SCP2: variants seen among roughly 807,000 people sequenced by gnomAD.
The protein encoded by SCP2 is sterol carrier protein 2, also known as SCP-2/3-oxoacyl-CoA thiolase.
SCP2 carries 48 observed loss-of-function variants against 71.4 expected under a neutral mutation model. That is an observed-to-expected ratio of 0.67 (90% CI 0.53 to 0.86). The LOEUF (loss-of-function observed/expected upper bound fraction) is 0.86, where lower values mean the gene tolerates loss of function less well. SCP2 is among the 40% of genes least tolerant of loss of function. The pLI, the probability that SCP2 is intolerant of heterozygous loss-of-function variation, is 0.00. For synonymous variants in SCP2, 220 were observed against 218.1 expected (o/e 1.01, Z -0.08); for missense variants, 560 against 655.6 (o/e 0.85, Z 1.59).
intron 14 of SCP2, among the ~76,000 whole-genome samples, chr1:53,045,265 A>G (rs6588457): frequency 0.096 from 14,683 of 152,240 alleles, 1,398 homozygotes; most frequent in African/African-American, 0.21. Context: ...TCCTATCACC[A>G]TAGCTTGATT....
At chr1:53,015,707 A>G (rs1429196491) in intron 12 of SCP2, among the ~76,000 whole-genome samples, 2 of 152,114 alleles carry the variant, frequency 1.3e-5, no homozygotes, top group East Asian at 1.9e-4. Flanking sequence ...GTCAGCATAC[A>G]TGTTCAGGTC....
intron 14 of SCP2, 59 bp from the exon 15 acceptor site, chr1:53,047,799 T>A: frequency 1.6e-6 from 2 of 1,218,922 alleles, no homozygotes; most frequent in South Asian, 1.2e-5. Flanking sequence ...TTGACAAAAA[T>A]GTATATGTGA....
rs578196080 is a variant in SCP2 at position 52,931,515 on chromosome 1, T to C, written c.69+4050T>C. Among the ~76,000 whole-genome samples the C allele has an allele frequency of 1.3e-4, 20 of 152,296 alleles. 1 individual carries two copies. Among genetic ancestry groups the C allele is most frequent in the African/African-American group, 3.6e-4 (15 of 41,566 alleles). ...CCAAGTTGAAAAAAAGGGAATTAAATTGAATTCTGCATGCTAAAGGGTAGT... is the reference window on the plus strand; with the variant it reads ...CCAAGTTGAAAAAAAGGGAATTAAACTGAATTCTGCATGCTAAAGGGTAGT... On this transcript the variant is annotated intron_variant, in intron 1 of 15. Transcript: ENST00000371514.
At chr1:52,993,497 T>C (rs955239298) in intron 11 of SCP2, 22 of 1,612,998 alleles carry the variant, frequency 1.4e-5, no homozygotes, top group African/African-American at 6.7e-5. Flanking sequence ...TTGAAACTTA[T>C]AGATTTCTTC....
At chr1:53,005,272 G>C (rs985333869) in intron 11 of SCP2, among the ~76,000 whole-genome samples, 5 of 152,212 alleles carry the variant, frequency 3.3e-5, no homozygotes, top group African/African-American at 1.2e-4. Flanking sequence ...TTTGAAGAGA[G>C]TAATGGTTCT....
At chr1:52,934,987 G>A (rs1397999477) in intron 1 of SCP2, 3 of 148,364 alleles carry the variant, frequency 2.0e-5, no homozygotes, top group Non-Finnish European at 3.0e-5. Flanking sequence ...ACGTCGGCCC[G>A]GGAGCGGTGG....
At chr1:52,945,814 A>C (rs1406910474) in intron 2 of SCP2, among the ~76,000 whole-genome samples, 1 of 151,918 alleles carries the variant, frequency 6.6e-6, no homozygotes, top group Non-Finnish European at 1.5e-5. Context: ...TTTTAGAAAA[A>C]TTGTAATGAA....
At chr1:52,946,760 TAAA>T (rs34417288) in intron 2 of SCP2, among the ~76,000 whole-genome samples, 5 of 141,964 alleles carry the variant, frequency 3.5e-5, no homozygotes, top group African/African-American at 1.0e-4. Flanking sequence ...TTTATATGTT[TAAA>T]AAAAAAAAAA....
intron 11 of SCP2, among the ~76,000 whole-genome samples, chr1:52,997,420 C>T (rs767011480): frequency 2.1e-4 from 32 of 152,248 alleles, no homozygotes; most frequent in Non-Finnish European, 8.8e-5. Flanking sequence ...CCACCCTCCT[C>T]GGCCTTCCAG....
intron 13 of SCP2, among the ~76,000 whole-genome samples, chr1:53,035,525 C>T (rs940710085): frequency 1.5e-4 from 23 of 151,950 alleles, no homozygotes; most frequent in African/African-American, 4.8e-4. Flanking sequence ...TTATGTAACC[C>T]CATCCAACTC....
At chr1:53,027,738 C>T (rs1242190650) in intron 12 of SCP2, among the ~76,000 whole-genome samples, 3 of 152,178 alleles carry the variant, frequency 2.0e-5, no homozygotes, top group Non-Finnish European at 4.4e-5. Context: ...CTCCCGACTA[C>T]AGGTGATCCA....
At chr1:52,941,718 G>A in intron 1 of SCP2, 78 bp from the exon 2 acceptor site, 2 of 891,580 alleles carry the variant, frequency 2.2e-6, no homozygotes, top group East Asian at 5.8e-5. Context: ...CTGGGTAACA[G>A]AGCAAGACTC....
chr1:52,975,206 C>T (rs1289494183), intron 7 of SCP2, among the ~76,000 whole-genome samples: 1 of 150,904 alleles, frequency 6.6e-6, no homozygotes, highest in African/African-American at 2.4e-5. Context: ...TTTTAGATGG[C>T]ATCTCACTCT....
At chr1:52,983,377 T>A (rs888359526) in intron 10 of SCP2, among the ~76,000 whole-genome samples, 6 of 152,224 alleles carry the variant, frequency 3.9e-5, no homozygotes, top group Admixed American at 6.5e-5. Flanking sequence ...TTTGGCAAGT[T>A]TTCAGCCATT....
intron 13 of SCP2, among the ~76,000 whole-genome samples, chr1:53,029,821 G>T (rs1372304930): frequency 6.6e-6 from 1 of 152,138 alleles, no homozygotes; most frequent in African/African-American, 2.4e-5. Context: ...TCCACATGGG[G>T]CTACCTGTTT....
chr1:52,961,115 A>G (rs2150142730), intron 5 of SCP2, among the ~76,000 whole-genome samples: 1 of 134,678 alleles, frequency 7.4e-6, no homozygotes, highest in Non-Finnish European at 1.5e-5. Flanking sequence ...TCTAGGGTAC[A>G]TGTGCACAAC....
intron 15 of SCP2, 23 bp from the exon 16 acceptor site, chr1:53,050,586 T>C: frequency 6.6e-7 from 1 of 1,515,970 alleles, no homozygotes; most frequent in Non-Finnish European, 9.2e-7. Context: ...CACCAAGTAA[T>C]GAATTTTCTT....
chr1:53,009,053 G>C (rs1277356256), intron 11 of SCP2, among the ~76,000 whole-genome samples: 3 of 152,038 alleles, frequency 2.0e-5, no homozygotes, highest in Admixed American at 6.6e-5. Context: ...AAAATACCTA[G>C]GAATCCAACT....
At chr1:52,967,462 A>G (rs771170736) in intron 6 of SCP2, among the ~76,000 whole-genome samples, 3 of 152,234 alleles carry the variant, frequency 2.0e-5, no homozygotes, top group Non-Finnish European at 4.4e-5. Flanking sequence ...TAGTATTTTA[A>G]CAATGTAAAT....
Sources: allele counts gnomAD v4.1 joint callset (sites outside exome capture counted in the v4.1 genomes callset), GRCh38; gene constraint gnomAD v4.1.1; transcripts MANE v1.5; gene names NCBI Gene and HGNC (gene_info 2026-07-23, HGNC 2026-07-21).